HK1: variants seen among roughly 807,000 people sequenced by gnomAD.
The protein encoded by HK1 is hexokinase-1.
In HK1, 28 loss-of-function variants were observed where a neutral mutation model predicts 91.6. The observed-to-expected ratio is 0.31, with a 90% CI of 0.23 to 0.42. The LOEUF (loss-of-function observed/expected upper bound fraction) is 0.42. HK1 is among the 10% of genes least tolerant of loss of function. The probability of loss-of-function intolerance (pLI) is 1.00; values close to 1 mark genes in which losing one functional copy is unlikely to be tolerated. For missense variants in HK1, 770 were observed against 1,219.8 expected, an observed-to-expected ratio of 0.63 and a Z score of 5.49; for synonymous variants, 430 against 468.1, an observed-to-expected ratio of 0.92 and a Z score of 1.05.
chr10:69,341,431 G>A (rs569221105), intron 1 of HK1, among the ~76,000 whole-genome samples: 2 of 151,802 alleles, frequency 1.3e-5, no homozygotes, highest in Non-Finnish European at 2.9e-5. Flanking sequence ...AAAGTGTTGG[G>A]ATTACAGGTG....
intron 3 of HK1, among the ~76,000 whole-genome samples, chr10:69,361,310 C>T (rs1370732344): frequency 1.3e-5 from 2 of 152,250 alleles, no homozygotes; most frequent in Non-Finnish European, 2.9e-5. Flanking sequence ...ATTACTGGGG[C>T]TGCAGAGACT....
rs1043886641 is a variant in HK1 at position 69,400,909 on chromosome 10, C to A, written c.2610-82C>A. ...AGTCGAATCATCACCAGTCAGGGGG[C>A]TGTCTGTGCTTTGGTGTTTTCGGGT... is the stretch of plus-strand genomic sequence containing the variant. On this transcript the variant is annotated intron_variant, in intron 17 of 17. Transcript: ENST00000359426. 4.9e-6 allele frequency: 7 copies of A among 1,417,190 alleles called. No homozygotes were observed. In the South Asian group the frequency reaches 5.8e-5, roughly 12 times the overall value. The allele number at this position is 1,417,190 out of a possible 1,614,324, so 87.8% of individuals were successfully genotyped here.
In HK1 at chr10:69,379,461, A is replaced by G. The variant is rs916754522; in HGVS notation, c.1032-401A>G. Among the ~76,000 whole-genome samples, 4 of 152,314 alleles carry G rather than the reference A, an allele frequency of 2.6e-5. No homozygotes were observed. In the East Asian group the frequency reaches 5.8e-4, roughly 22 times the overall value. On this transcript the variant is annotated intron_variant, in intron 8 of 17. Transcript: ENST00000359426. The stretch of plus-strand genomic sequence containing the variant: ...CAAAACACGTGTACAGAAAATTACA[A>G]TTTCACTGAGAGACATCAAGGAAGG...
At chr10:69,390,519 C>T (rs910224776) in intron 14 of HK1, among the ~76,000 whole-genome samples, 1 of 152,236 alleles carries the variant, frequency 6.6e-6, no homozygotes, top group Non-Finnish European at 1.5e-5. Context: ...TCTGGAGCTC[C>T]TCTTCTCTCA....
intron 16 of HK1, among the ~76,000 whole-genome samples, chr10:69,398,232 A>C (rs1052796984): frequency 1.3e-5 from 2 of 152,246 alleles, no homozygotes. Flanking sequence ...CTGTTCTCAG[A>C]TAAGGCTGTG....
rs932301439 is a variant in HK1 at position 69,300,172 on chromosome 10, A to AC, written c.-66-591dup. On this transcript the variant is annotated intron_variant, in intron 4 of 21. Transcript: ENST00000360289. ...GTTCAAGATATAGAACATTTTCATC[A>AC]CCCCCCAAAATCCCTTCACAGTCTT... 1.3e-5 allele frequency among the ~76,000 whole-genome samples: 2 copies of AC among 150,732 alleles called. 1 individual carries two copies. The highest frequency in any genetic ancestry group is 4.9e-5 in the African/African-American group (2 of 40,578).
At chr10:69,373,148 C>A (rs777318756) in intron 7 of HK1, among the ~76,000 whole-genome samples, 2 of 152,190 alleles carry the variant, frequency 1.3e-5, no homozygotes, top group Non-Finnish European at 2.9e-5. Flanking sequence ...GGATTACAGA[C>A]GTGAGCCCCC....
chr10:69,321,494 C>T (rs192933305), intron 1 of HK1, among the ~76,000 whole-genome samples: 7 of 152,328 alleles, frequency 4.6e-5, no homozygotes, highest in African/African-American at 1.4e-4. Flanking sequence ...GGATGGTTCC[C>T]CCCCAGCGTG....
intron 4 of HK1, among the ~76,000 whole-genome samples, chr10:69,300,086 C>T (rs1845781202): frequency 6.6e-6 from 1 of 151,772 alleles, no homozygotes; most frequent in South Asian, 2.1e-4. Context: ...AGATGTGAGC[C>T]ACCATGCCCG....
Position 69,276,773 on chromosome 10 carries a change from AATT to A in HK1, c.-390-5753_-390-5751del, listed in dbSNP as rs1389262536. Among the ~76,000 whole-genome samples the A allele has an allele frequency of 3.3e-5, 5 of 149,554 alleles. No individual in the cohort carries two copies. In the East Asian group the frequency reaches 9.7e-4, roughly 29 times the overall value. ...ATCATTCAATCATTTAATTAATAAT[AATT>A]ATAACTATAACTATTATCTTTATAT... is the stretch of plus-strand genomic sequence containing the variant. On this transcript the variant is annotated intron_variant, in intron 1 of 21. Coordinates refer to the HK1 transcript ENST00000360289.
At chr10:69,312,855 T>C (rs957408103), upstream of HK1, among the ~76,000 whole-genome samples, 1 of 149,536 alleles carries the variant, frequency 6.7e-6, no homozygotes, top group Non-Finnish European at 1.5e-5. Flanking sequence ...TCTCTTCCAG[T>C]GTCTGTTGAT....
Position 69,343,899 on chromosome 10 carries a change from G to C in HK1, c.136G>C (p.Glu46Gln), listed in dbSNP as rs1231682593. The C allele has an allele frequency of 6.2e-7, 1 of 1,613,984 alleles. No homozygotes were observed. Among genetic ancestry groups the C allele is most frequent in the Non-Finnish European group, 8.5e-7 (1 of 1,179,982 alleles). The change falls in exon 2 of 18, where the codon GAG becomes CAG. Residue 46 changes from glutamate (E) to glutamine (Q), a missense_variant. By Grantham distance (29) the Glu-to-Gln change is conservative. Coordinates refer to ENST00000359426, the MANE Select transcript of HK1 (RefSeq NM_000188.3). ...LIDIMTRFRK[E>Q]MKNGLSRDFN... ...AGATATCATGACTCGCTTCAGGAAG[G>C]AGATGAAGAATGGCCTCTCCCGGGA... is the stretch of plus-strand genomic sequence containing the variant.
chr10:69,288,849 C>G (rs933117607), intron 3 of HK1: 7 of 1,210,058 alleles, frequency 5.8e-6, no homozygotes, highest in Non-Finnish European at 3.6e-6. Context: ...TGTAGTGGCG[C>G]GATCTCGGCT....
intron 10 of HK1, among the ~76,000 whole-genome samples, chr10:69,383,865 T>C (rs12264809): frequency 0.061 from 9,275 of 152,316 alleles, 435 homozygotes; most frequent in African/African-American, 0.12. Flanking sequence ...GCTTTGCCTC[T>C]GCCACACTCT....
At chr10:69,314,193 C>A (rs536452206), upstream of HK1, among the ~76,000 whole-genome samples, 2 of 152,352 alleles carry the variant, frequency 1.3e-5, no homozygotes, top group African/African-American at 2.4e-5. Flanking sequence ...TGGGTCAATT[C>A]ATTTTAGACA....
intron 5 of HK1, among the ~76,000 whole-genome samples, chr10:69,309,190 T>TA (rs1211427990): frequency 6.0e-5 from 9 of 151,210 alleles, no homozygotes; most frequent in African/African-American, 2.2e-4. Context: ...TCTTTCTTTT[T>TA]TTTTTTTTTG....
chr10:69,338,820 G>A (rs1848150561), intron 1 of HK1: 3 of 676,232 alleles, frequency 4.4e-6, no homozygotes, highest in South Asian at 4.0e-5. Context: ...AAAGGAAGGA[G>A]GAGAGTAAAG....
intron 5 of HK1, 88 bp downstream of exon 5, chr10:69,368,719 G>C (rs1221140509): frequency 9.9e-7 from 1 of 1,013,638 alleles, no homozygotes; most frequent in African/African-American, 1.6e-5. Context: ...CCTTCCTGGG[G>C]GGCAGTAGTG....
chr10:69,371,860 G>A (rs904237904), intron 7 of HK1, among the ~76,000 whole-genome samples: 10 of 152,208 alleles, frequency 6.6e-5, no homozygotes, highest in Non-Finnish European at 1.2e-4. Context: ...TGAGAGATGA[G>A]TGGGTGGCTA....
Sources: gnomAD v4.1 joint callset for allele counts (sites outside exome capture counted in the v4.1 genomes callset) on GRCh38, gnomAD v4.1.1 for gene constraint, MANE v1.5 for transcripts, NCBI Gene and HGNC (gene_info 2026-07-23, HGNC 2026-07-21) for gene names.